CNTNAP5: variants seen among roughly 807,000 people sequenced by gnomAD.
The protein encoded by CNTNAP5 is contactin associated protein family member 5.
A neutral mutation model predicts 150.2 loss-of-function variants in CNTNAP5; 72 were observed. That is an observed-to-expected ratio of 0.48 (90% CI 0.40 to 0.58). The LOEUF is 0.58. Ranked by LOEUF, CNTNAP5 falls within the 20% of genes least tolerant of loss-of-function variation. CNTNAP5 has a pLI of 0.00. For missense variants in CNTNAP5, 1,636 were observed against 1,626.2 expected, an observed-to-expected ratio of 1.01 and a Z score of -0.10; for synonymous variants, 672 against 619.8, an observed-to-expected ratio of 1.08 and a Z score of -1.25.
At chr2:124,117,542 A>G (rs989265405) in intron 1 of CNTNAP5, among the ~76,000 whole-genome samples, 4 of 152,216 alleles carry the variant, frequency 2.6e-5, no homozygotes, top group Admixed American at 2.6e-4. Flanking sequence ...GAAACGAAGG[A>G]AAAGAATATT....
intron 1 of CNTNAP5, among the ~76,000 whole-genome samples, chr2:124,208,416 G>A (rs1367245): frequency 0.19 from 29,021 of 152,150 alleles, 2,911 homozygotes; most frequent in East Asian, 0.25. Flanking sequence ...TTACCTCCAT[G>A]TAATACATTC....
At chr2:124,634,362 C>A (rs1677928125) in intron 12 of CNTNAP5, among the ~76,000 whole-genome samples, 1 of 152,188 alleles carries the variant, frequency 6.6e-6, no homozygotes, top group Non-Finnish European at 1.5e-5. Context: ...CTCTCAAATT[C>A]AAAATTCCAC....
chr2:124,635,377 A>G (rs1677950634), intron 12 of CNTNAP5, among the ~76,000 whole-genome samples: 1 of 152,180 alleles, frequency 6.6e-6, no homozygotes, highest in African/African-American at 2.4e-5. Flanking sequence ...TCCCACCAGG[A>G]TTCATCTCTA....
intron 3 of CNTNAP5, among the ~76,000 whole-genome samples, chr2:124,357,534 G>C (rs1416043569): frequency 1.3e-5 from 2 of 151,880 alleles, no homozygotes; most frequent in Non-Finnish European, 2.9e-5. Context: ...TGGCTAGCCA[G>C]TTTTCCCAGC....
chr2:124,816,676 C>A (rs1682370717), intron 19 of CNTNAP5, among the ~76,000 whole-genome samples: 1 of 151,926 alleles, frequency 6.6e-6, no homozygotes, highest in Non-Finnish European at 1.5e-5. Context: ...AGAGGTTTCA[C>A]CATGTTGGTC....
At chr2:124,214,041 A>G (rs1362356931) in intron 1 of CNTNAP5, among the ~76,000 whole-genome samples, 1 of 152,192 alleles carries the variant, frequency 6.6e-6, no homozygotes, top group Non-Finnish European at 1.5e-5. Context: ...TTCAAAGCCC[A>G]GTTTAGATAT....
chr2:124,242,508 G>A lies in CNTNAP5; in HGVS notation c.381+115G>A, dbSNP rs1573861679. The A allele has an allele frequency of 7.0e-6, 7 of 997,616 alleles. No individual in the cohort carries two copies. In the East Asian group the frequency reaches 1.3e-4, roughly 19 times the overall value. 61.8% of individuals were successfully genotyped at this position (997,616 alleles called of 1,614,324 possible). A position where few individuals can be genotyped will look rare whatever the true frequency, so the allele number is the denominator to read the frequency against. Reference sequence around the variant, plus strand: ...GTTGGTAGTTTAATAACTGGTGAGTGCCCATTAGAAATAATTAGACAATTT... The same window carrying A: ...GTTGGTAGTTTAATAACTGGTGAGTACCCATTAGAAATAATTAGACAATTT... On this transcript the variant is annotated intron_variant, in intron 3 of 23. Transcript: ENST00000682447.
At chr2:124,624,379 T>C (rs1323189906) in intron 12 of CNTNAP5, among the ~76,000 whole-genome samples, 1 of 152,232 alleles carries the variant, frequency 6.6e-6, no homozygotes, top group Non-Finnish European at 1.5e-5. Flanking sequence ...ACTTGATCAT[T>C]CATTCATCCA....
intron 1 of CNTNAP5, among the ~76,000 whole-genome samples, chr2:124,077,855 A>C (rs1347007517): frequency 6.6e-6 from 1 of 152,176 alleles, no homozygotes; most frequent in Non-Finnish European, 1.5e-5. Context: ...CTCCAAAGAG[A>C]TTCAAACTGA....
rs1558824667 is a variant in CNTNAP5, at chr2:124,914,422, C to T, written c.*134C>T. On this transcript the variant is annotated 3_prime_UTR_variant, in exon 24 of 24. Coordinates refer to ENST00000682447, the MANE Select transcript of CNTNAP5 (RefSeq NM_001367498.1). ...GTCTTTTCTGGAACATACTTGCATC[C>T]ACCACAGCATCAATTCCCTTGATCC... 2.0e-5 allele frequency: 14 copies of T among 683,024 alleles called. No homozygotes were observed. The highest frequency in any genetic ancestry group is 3.5e-5 in the Non-Finnish European group (14 of 397,996). 42.3% of individuals were successfully genotyped at this position (683,024 alleles called of 1,614,324 possible).
At chr2:124,511,526 G>A (rs1262022156) in intron 8 of CNTNAP5, among the ~76,000 whole-genome samples, 1 of 152,212 alleles carries the variant, frequency 6.6e-6, no homozygotes, top group African/African-American at 2.4e-5. Context: ...ACATGAGTAA[G>A]TCTTGTTCCG....
intron 13 of CNTNAP5, among the ~76,000 whole-genome samples, chr2:124,736,028 C>T (rs1401486774): frequency 5.3e-5 from 8 of 152,010 alleles, no homozygotes; most frequent in Admixed American, 2.0e-4. Context: ...GTCAGGAGTT[C>T]GATACCACCC....
chr2:124,715,607 C>A (rs963366475), intron 13 of CNTNAP5, among the ~76,000 whole-genome samples: 1 of 152,132 alleles, frequency 6.6e-6, no homozygotes, highest in Non-Finnish European at 1.5e-5. Context: ...TGGTATGCTG[C>A]ACCCATTAAC....
chr2:124,782,555 A>G (rs998432324), intron 17 of CNTNAP5, among the ~76,000 whole-genome samples: 1 of 152,248 alleles, frequency 6.6e-6, no homozygotes, highest in Non-Finnish European at 1.5e-5. Context: ...GATTTCCAAT[A>G]AGTATCCCAG....
chr2:124,567,870 TAG>T (rs1379106647), intron 11 of CNTNAP5, among the ~76,000 whole-genome samples: 2 of 136,744 alleles, frequency 1.5e-5, no homozygotes, highest in African/African-American at 2.5e-5. Context: ...GATAGATAGA[TAG>T]ATAGATAGAT....
chr2:124,222,183 T>A (rs552988655), intron 2 of CNTNAP5, among the ~76,000 whole-genome samples: 1 of 152,234 alleles, frequency 6.6e-6, no homozygotes, highest in East Asian at 1.9e-4. Flanking sequence ...TTCAATAAGT[T>A]TAATTTTACT....
chr2:124,063,848 C>T (rs1275091118), intron 1 of CNTNAP5, among the ~76,000 whole-genome samples: 1 of 152,104 alleles, frequency 6.6e-6, no homozygotes, highest in Admixed American at 6.5e-5. Flanking sequence ...TACTTTAAGG[C>T]AGCATAGTAT....
At chr2:124,031,470 C>A (rs1681047449) in intron 1 of CNTNAP5, among the ~76,000 whole-genome samples, 1 of 152,022 alleles carries the variant, frequency 6.6e-6, no homozygotes, top group South Asian at 2.1e-4. Context: ...TTGGAAATAC[C>A]AAGAAGCGGT....
At chr2:124,350,148 C>G (rs1473780648) in intron 3 of CNTNAP5, among the ~76,000 whole-genome samples, 1 of 151,880 alleles carries the variant, frequency 6.6e-6, no homozygotes, top group African/African-American at 2.4e-5. Flanking sequence ...TCCCAAAGTA[C>G]TGGGATTACA....
Sources: allele counts gnomAD v4.1 joint callset (sites outside exome capture counted in the v4.1 genomes callset), GRCh38; gene constraint gnomAD v4.1.1; transcripts MANE v1.5; gene names NCBI Gene and HGNC (gene_info 2026-07-23, HGNC 2026-07-21).